The following RANBP2 variants were observed in gnomAD, a reference collection of about 807,000 sequenced individuals.
The protein encoded by RANBP2 is E3 SUMO-protein ligase RanBP2.
In RANBP2, 57 loss-of-function variants were observed where a neutral mutation model predicts 303.6. The observed-to-expected ratio is 0.19, with a 90% CI of 0.15 to 0.23. The LOEUF (loss-of-function observed/expected upper bound fraction) is 0.23, where lower values mean the gene tolerates loss of function less well. Ranked by LOEUF, RANBP2 falls within the 10% of genes least tolerant of loss-of-function variation. The pLI is 1.00. For synonymous variants in RANBP2, 1,167 were observed against 1,301.5 expected (o/e 0.90, Z 2.23); for missense variants, 3,138 against 3,780.8 (o/e 0.83, Z 4.46).
At chr2:109,133,506 C>G in the RANBP2 span, among the ~76,000 whole-genome samples, 1 of 152,152 alleles carries the variant, frequency 6.6e-6, no homozygotes, top group African/African-American at 2.4e-5. Flanking sequence ...TCCAGATTGT[C>G]TTTTTAGCTG....
At chr2:109,422,600 C>G in the RANBP2 span, among the ~76,000 whole-genome samples, 1 of 89,306 alleles carries the variant, frequency 1.1e-5, no homozygotes, top group South Asian at 3.8e-4. Flanking sequence ...CCTTTCCACC[C>G]CCTGCTGTGT....
Position 108,752,501 on chromosome 2 carries a change from G to A in RANBP2, c.1756-497G>A, listed in dbSNP as rs542732346. Among the ~76,000 whole-genome samples, 73 of 151,380 alleles carry A rather than the reference G, an allele frequency of 4.8e-4. No homozygotes were observed. In the South Asian group the frequency reaches 0.013, roughly 27 times the overall value. On this transcript the variant is annotated intron_variant, in intron 12 of 28. Coordinates refer to ENST00000283195, the MANE Select transcript of RANBP2 (RefSeq NM_006267.5). ...AAAGTTGAGTGTAGAGGCCGGGTGCGGTGGCTCACACCTGTAATCCCAGCA... is the reference window on the plus strand; with the variant it reads ...AAAGTTGAGTGTAGAGGCCGGGTGCAGTGGCTCACACCTGTAATCCCAGCA...
At chr2:109,046,368 C>CT in the RANBP2 span, among the ~76,000 whole-genome samples, 4,702 of 132,910 alleles carry the variant, frequency 0.035, 93 homozygotes, top group Non-Finnish European at 0.049. Context: ...TGGGTAACTG[C>CT]TTTTTTTTTT....
At chr2:108,942,340 T>C in the RANBP2 span, among the ~76,000 whole-genome samples, 2 of 152,138 alleles carry the variant, frequency 1.3e-5, 1 homozygote, top group South Asian at 4.1e-4. Flanking sequence ...TACACAGCTT[T>C]GGGAACAGAG....
chr2:109,378,764 G>A, the RANBP2 span, among the ~76,000 whole-genome samples: 1 of 152,178 alleles, frequency 6.6e-6, no homozygotes, highest in African/African-American at 2.4e-5. Context: ...GACTTATGAG[G>A]CTTCCACTCT....
At chr2:108,994,812 ATATATATATATATATATC>A in the RANBP2 span, among the ~76,000 whole-genome samples, 26 of 26,126 alleles carry the variant, frequency 1.0e-3, no homozygotes, top group Non-Finnish European at 1.8e-3. Context: ...ATATATATAT[ATATATATATATATATATC>A]TTTTTTTTTT....
At chr2:108,788,991 T>G (rs867162494), downstream of RANBP2, 1 of 1,612,226 alleles carries the variant, frequency 6.2e-7, no homozygotes, top group Middle Eastern at 1.7e-4. Flanking sequence ...AACTTTACTG[T>G]TGCTACCCCC....
chr2:109,163,771 G>A, the RANBP2 span, among the ~76,000 whole-genome samples: 6 of 152,096 alleles, frequency 3.9e-5, no homozygotes, highest in African/African-American at 9.7e-5. Flanking sequence ...GTGTGCAGTC[G>A]GCAGCTCAGG....
chr2:109,548,388 T>G, the RANBP2 span, among the ~76,000 whole-genome samples: 1 of 152,180 alleles, frequency 6.6e-6, no homozygotes, highest in South Asian at 2.1e-4. Flanking sequence ...ACTTGGTGTC[T>G]AGAAAAAGAC....
At chr2:109,490,761 A>G in the RANBP2 span, 3 of 1,536,604 alleles carry the variant, frequency 2.0e-6, no homozygotes, top group Non-Finnish European at 2.6e-6. Flanking sequence ...CTCACTGTCC[A>G]TCCACGGCAG....
At chr2:109,347,555 CTG>C in the RANBP2 span, 3 of 1,369,882 alleles carry the variant, frequency 2.2e-6, no homozygotes, top group Middle Eastern at 2.4e-4. Flanking sequence ...GCGGGGCACT[CTG>C]TATGCACCCC....
chr2:109,607,663 AG>A, the RANBP2 span, among the ~76,000 whole-genome samples: 1 of 152,112 alleles, frequency 6.6e-6, no homozygotes, highest in Non-Finnish European at 1.5e-5. Flanking sequence ...TTTTCTCCTG[AG>A]GGGGTAATAA....
the RANBP2 span, among the ~76,000 whole-genome samples, chr2:109,598,855 G>C: frequency 6.6e-6 from 1 of 151,832 alleles, no homozygotes; most frequent in African/African-American, 2.4e-5. Context: ...ACTCCAGCCT[G>C]GGTGACAGAG....
chr2:109,114,226 G>T, the RANBP2 span, among the ~76,000 whole-genome samples: 1 of 152,172 alleles, frequency 6.6e-6, no homozygotes, highest in Admixed American at 6.5e-5. Flanking sequence ...GTTCCTCCTT[G>T]TACCTCTGAT....
chr2:109,750,728 A>AATT, the RANBP2 span, among the ~76,000 whole-genome samples: 1 of 110,038 alleles, frequency 9.1e-6, no homozygotes, highest in Non-Finnish European at 1.9e-5. Context: ...TAATAATAAT[A>AATT]ATTTTTTTTT....
chr2:109,731,915 A>G, the RANBP2 span, among the ~76,000 whole-genome samples: 21 of 149,684 alleles, frequency 1.4e-4, no homozygotes, highest in African/African-American at 4.7e-4. Context: ...TGGCACCATC[A>G]TGACTCACCA....
the RANBP2 span, among the ~76,000 whole-genome samples, chr2:109,515,629 T>C: frequency 6.6e-6 from 1 of 151,982 alleles, no homozygotes; most frequent in African/African-American, 2.4e-5. Context: ...CTTCCCAGGG[T>C]AGGAGTAGTA....
At chr2:108,977,533 G>A in the RANBP2 span, among the ~76,000 whole-genome samples, 1 of 152,188 alleles carries the variant, frequency 6.6e-6, no homozygotes, top group Non-Finnish European at 1.5e-5. Flanking sequence ...GCCTCCCAAA[G>A]TGCTGGGATT....
the RANBP2 span, among the ~76,000 whole-genome samples, chr2:109,078,757 C>T: frequency 2.2e-5 from 3 of 137,180 alleles, no homozygotes; most frequent in Non-Finnish European, 3.3e-5. Flanking sequence ...CCAAGGCGGG[C>T]AGATCACGAG....
Sources: allele counts gnomAD v4.1 joint callset (sites outside exome capture counted in the v4.1 genomes callset), GRCh38; gene constraint gnomAD v4.1.1; transcripts MANE v1.5; gene names NCBI Gene and HGNC (gene_info 2026-07-23, HGNC 2026-07-21).